Variants in CPNE8 observed in about 807,000 individuals in gnomAD.
The protein encoded by CPNE8 is copine 8, also known as copine-8.
A neutral mutation model predicts 81.5 loss-of-function variants in CPNE8; 45 were observed. The observed-to-expected ratio is 0.55, with a 90% confidence interval of 0.44 to 0.71. The LOEUF (loss-of-function observed/expected upper bound fraction) is 0.71. CPNE8 is among the 30% of genes least tolerant of loss of function. The pLI is 0.00. For missense variants in CPNE8, 594 were observed against 672.1 expected, an observed-to-expected ratio of 0.88 and a Z score of 1.28; for synonymous variants, 252 against 226.3, an observed-to-expected ratio of 1.11 and a Z score of -1.02.
rs182600964 is a variant in CPNE8 at position 38,738,162 on chromosome 12, G to A, written c.723-7804C>T. Among the ~76,000 whole-genome samples the A allele has an allele frequency of 2.7e-5, 4 of 149,576 alleles. No homozygotes were observed. In the Admixed American group the frequency reaches 2.7e-4, roughly 10 times the overall value. On this transcript the variant is annotated intron_variant, in intron 10 of 19. Transcript: ENST00000331366. ...CTGACAGACTGAGGTACTCCAAAAAGGGCAACAAGGATCAACTGCAAAGGG... is the reference window on the plus strand; with the variant it reads ...CTGACAGACTGAGGTACTCCAAAAAAGGCAACAAGGATCAACTGCAAAGGG...
In CPNE8 at chr12:38,677,554, T is replaced by G; in HGVS notation, c.1272A>C (p.Arg424Ser). 6.3e-7 allele frequency: 1 copy of G among 1,589,600 alleles called. No homozygotes were observed. Among genetic ancestry groups the G allele is most frequent in the Non-Finnish European group, 8.6e-7 (1 of 1,158,704 alleles). The change falls in exon 17 of 20, where the codon AGA becomes AGC. Residue 424 changes from arginine (R) to serine (S), a missense_variant and splice_region_variant. Arg to Ser is a moderately radical substitution (Grantham distance 110, BLOSUM62 -1). Coordinates refer to ENST00000331366, the MANE Select transcript of CPNE8 (RefSeq NM_153634.3). ...AGCCATCCTTTACAGAAGAAGCATA[T>G]CTGAAAGGCAACGAAAAGGTAAGGA... ...NFAPVINHVARYASSVKDGSQ... is the reference protein window; with the variant it reads ...NFAPVINHVASYASSVKDGSQ...
rs528887533 is a variant in CPNE8, at chr12:38,700,320, C to T, written c.961+2555G>A. 2.1e-5 allele frequency among the ~76,000 whole-genome samples: 3 copies of T among 145,664 alleles called. No individual in the cohort carries two copies. In the Admixed American group the frequency reaches 2.2e-4, roughly 11 times the overall value. ...ACGGCATGATCTCGGCTCACTGCAA[C>T]ATCCGCCTCCCAGGTTCAAGCGATT... On this transcript the variant is annotated intron_variant, in intron 14 of 19. Transcript: ENST00000331366.
chr12:38,745,038 G>A (rs4293160), intron 10 of CPNE8, among the ~76,000 whole-genome samples: 122,366 of 151,800 alleles, frequency 0.81, 52,282 homozygotes, highest in Middle Eastern at 0.97. Context: ...TTCTGAGTCA[G>A]AAAGTTTCTC....
chr12:38,767,526 C>G, intron 8 of CPNE8, 109 bp downstream of exon 8: 2 of 631,800 alleles, frequency 3.2e-6, no homozygotes, highest in South Asian at 3.3e-5. Context: ...TTTAAAATCT[C>G]AAACTATTTT....
intron 5 of CPNE8, among the ~76,000 whole-genome samples, chr12:38,839,309 G>A (rs1467375280): frequency 2.0e-5 from 3 of 151,618 alleles, no homozygotes; most frequent in Admixed American, 1.3e-4. Flanking sequence ...ACTACTCCTG[G>A]ACCTGGAAAT....
intron 3 of CPNE8, among the ~76,000 whole-genome samples, chr12:38,854,862 T>C (rs1943705817): frequency 6.6e-6 from 1 of 152,074 alleles, no homozygotes; most frequent in Admixed American, 6.5e-5. Flanking sequence ...ATGCCCACTC[T>C]CACACTTCTA....
chr12:38,867,267 A>G (rs145261343), intron 3 of CPNE8, among the ~76,000 whole-genome samples: 2,896 of 150,254 alleles, frequency 0.019, 94 homozygotes, highest in African/African-American at 0.066. Flanking sequence ...TAAGAGAGTA[A>G]GTTTACAAAA....
At chr12:38,860,079 G>C (rs144245320) in intron 3 of CPNE8, among the ~76,000 whole-genome samples, 17 of 152,124 alleles carry the variant, frequency 1.1e-4, no homozygotes, top group African/African-American at 2.4e-4. Context: ...AAATTAAAAA[G>C]CTTTTCCATG....
chr12:38,775,243 T>A (rs1369453656), intron 7 of CPNE8, among the ~76,000 whole-genome samples: 1 of 152,138 alleles, frequency 6.6e-6, no homozygotes, highest in East Asian at 1.9e-4. Flanking sequence ...CACCTTGGCC[T>A]CCCAAAGGCT....
At chr12:38,825,062 T>C (rs1025496931) in intron 6 of CPNE8, among the ~76,000 whole-genome samples, 2 of 152,182 alleles carry the variant, frequency 1.3e-5, no homozygotes, top group African/African-American at 2.4e-5. Context: ...CTATGAAGAA[T>C]AGATAGAAGA....
At chr12:38,839,771 G>C in intron 5 of CPNE8, 145 bp downstream of exon 5, 1 of 714,254 alleles carries the variant, frequency 1.4e-6, no homozygotes, top group Non-Finnish European at 2.0e-6. Context: ...TGTTTTTCTG[G>C]GGTTCTTTTA....
chr12:38,891,353 G>T (rs1463880355), intron 1 of CPNE8, among the ~76,000 whole-genome samples: 2 of 151,876 alleles, frequency 1.3e-5, no homozygotes, highest in African/African-American at 4.8e-5. Context: ...ATAAAACTTT[G>T]TAGAACGTTA....
chr12:38,710,689 T>A (rs1940234127), intron 13 of CPNE8, among the ~76,000 whole-genome samples: 1 of 152,178 alleles, frequency 6.6e-6, no homozygotes, highest in South Asian at 2.1e-4. Context: ...TTAACATAAA[T>A]TTATTTTCCA....
At chr12:38,704,864 T>TATATATATATA (rs1940064957) in intron 13 of CPNE8, among the ~76,000 whole-genome samples, 6 of 73,834 alleles carry the variant, frequency 8.1e-5, no homozygotes, top group African/African-American at 3.2e-4. Flanking sequence ...ATATATATAT[T>TATATATATATA]TAAATTTCGG....
intron 1 of CPNE8, among the ~76,000 whole-genome samples, chr12:38,885,222 T>G (rs1196468859): frequency 6.6e-6 from 1 of 152,150 alleles, no homozygotes; most frequent in African/African-American, 2.4e-5. Context: ...TTGTTACATA[T>G]ATCATATACA....
At chr12:38,783,821 C>A (rs898822275) in intron 6 of CPNE8, among the ~76,000 whole-genome samples, 1 of 152,186 alleles carries the variant, frequency 6.6e-6, no homozygotes, top group Non-Finnish European at 1.5e-5. Flanking sequence ...TGGGCTTTGG[C>A]CCCTAAAGTA....
At chr12:38,740,460 C>T (rs1443335342) in intron 10 of CPNE8, among the ~76,000 whole-genome samples, 1 of 152,154 alleles carries the variant, frequency 6.6e-6, no homozygotes, top group African/African-American at 2.4e-5. Context: ...GAGGGCATCC[C>T]TGTCTTGTGC....
intron 15 of CPNE8, among the ~76,000 whole-genome samples, chr12:38,686,372 C>T (rs1434866732): frequency 6.6e-6 from 1 of 152,148 alleles, no homozygotes; most frequent in African/African-American, 2.4e-5. Context: ...AACCCAAGCT[C>T]TTATTCTGGG....
intron 14 of CPNE8, among the ~76,000 whole-genome samples, chr12:38,699,535 T>C (rs905654022): frequency 3.9e-5 from 6 of 152,140 alleles, no homozygotes; most frequent in Non-Finnish European, 7.4e-5. Context: ...TGGTCCACTT[T>C]CCTTTCTTCT....
Sources: gnomAD v4.1 joint callset for allele counts (sites outside exome capture counted in the v4.1 genomes callset) on GRCh38, gnomAD v4.1.1 for gene constraint, MANE v1.5 for transcripts, NCBI Gene and HGNC (gene_info 2026-07-23, HGNC 2026-07-21) for gene names.